Variants in MYO9B observed in about 807,000 individuals in gnomAD.
MYO9B encodes the protein myosin IXB, also known as unconventional myosin-IXb.
In MYO9B, 71 loss-of-function variants were observed where a neutral mutation model predicts 229.5. The ratio of observed to expected loss-of-function variants is 0.31; its 90% CI spans 0.26 to 0.38. MYO9B has a LOEUF of 0.38. MYO9B is among the 10% of genes least tolerant of loss of function. The pLI is 1.00. For synonymous variants in MYO9B, 1,185 were observed against 1,235.8 expected (o/e 0.96, Z 0.86); for missense variants, 2,255 against 2,920.5 (o/e 0.77, Z 5.25).
At chr19:17,118,672 A>G (rs1049489953) in intron 2 of MYO9B, among the ~76,000 whole-genome samples, 5 of 151,910 alleles carry the variant, frequency 3.3e-5, no homozygotes, top group East Asian at 1.9e-4. Flanking sequence ...TGGTAGAGAC[A>G]TGGTTTCGCC....
chr19:17,124,839 T>C (rs937436045), intron 2 of MYO9B, among the ~76,000 whole-genome samples: 1 of 150,794 alleles, frequency 6.6e-6, no homozygotes, highest in Non-Finnish European at 1.5e-5. Context: ...CCGTATGTTA[T>C]CAGAATCCAT....
At chr19:17,083,085 C>T (rs1410207616) in intron 1 of MYO9B, among the ~76,000 whole-genome samples, 1 of 128,418 alleles carries the variant, frequency 7.8e-6, no homozygotes, top group Non-Finnish European at 1.5e-5. Flanking sequence ...GGATAAAGTG[C>T]AGAGGCATGA....
chr19:17,148,782 C>G (rs1450195607), intron 3 of MYO9B, among the ~76,000 whole-genome samples: 1 of 152,140 alleles, frequency 6.6e-6, no homozygotes, highest in African/African-American at 2.4e-5. Context: ...CAGGGCCTCA[C>G]TGTGTTGGCC....
In MYO9B at chr19:17,195,440, A is replaced by G. The variant is rs984731167; in HGVS notation, c.4013A>G (p.His1338Arg). 1 of 1,604,824 alleles carries G rather than the reference A, an allele frequency of 6.2e-7. No individual in the cohort carries two copies. Among genetic ancestry groups the G allele is most frequent in the South Asian group, 1.1e-5 (1 of 90,646 alleles). Reference sequence around the variant, plus strand: ...CAGTCCCTGGACCTCAGCGACAGACACCGGGCCACAGGGGCCGCCCTCACG... The same window carrying G: ...CAGTCCCTGGACCTCAGCGACAGACGCCGGGCCACAGGGGCCGCCCTCACG... ...LSQSLDLSDRHRATGAALTPT... is the reference protein window; with the variant it reads ...LSQSLDLSDRRRATGAALTPT... The change falls in exon 22 of 40, where the codon CAC becomes CGC. Residue 1338 changes from histidine (H) to arginine (R), a missense_variant. His to Arg is a conservative substitution (Grantham distance 29, BLOSUM62 0). Transcript: ENST00000682292. The surrounding 1 kb of genome is among the most constrained non-coding windows in gnomAD (Gnocchi z 4.5).
intron 2 of MYO9B, among the ~76,000 whole-genome samples, chr19:17,132,841 TTTTATTTA>T (rs891444400): frequency 8.7e-5 from 13 of 149,604 alleles, no homozygotes; most frequent in South Asian, 2.1e-4. Context: ...TTTATTTCTT[TTTTATTTA>T]TTTATTTATT....
chr19:17,153,889 C>G (rs1478110394), intron 4 of MYO9B, 78 bp from the exon 5 acceptor site: 12 of 1,027,616 alleles, frequency 1.2e-5, no homozygotes, highest in Non-Finnish European at 1.7e-5. Flanking sequence ...TCTCCAAAGC[C>G]ATGTTAGTAG....
At chr19:17,192,519 C>T (rs1166781951) in intron 20 of MYO9B, among the ~76,000 whole-genome samples, 1 of 152,040 alleles carries the variant, frequency 6.6e-6, no homozygotes, top group Non-Finnish European at 1.5e-5. Context: ...CACTTCAACC[C>T]AGTAGGCGGA....
chr19:17,107,144 A>C (rs2057800012), intron 2 of MYO9B, among the ~76,000 whole-genome samples: 1 of 152,094 alleles, frequency 6.6e-6, no homozygotes, highest in Admixed American at 6.5e-5. Flanking sequence ...TTGAAGTGGG[A>C]GGATTGCTTG....
chr19:17,190,689 C>T (rs1357421076), intron 19 of MYO9B, among the ~76,000 whole-genome samples: 1 of 150,620 alleles, frequency 6.6e-6, no homozygotes, highest in Non-Finnish European at 1.5e-5. Context: ...GACGGAGTCT[C>T]TCTCTGTCGC....
intron 13 of MYO9B, among the ~76,000 whole-genome samples, chr19:17,174,833 C>A (rs2072765784): frequency 6.6e-6 from 1 of 151,382 alleles, no homozygotes; most frequent in Non-Finnish European, 1.5e-5. Context: ...ACTCAGGAGG[C>A]CGAGGCAGGA....
At chr19:17,144,181 A>G (rs955077862) in intron 2 of MYO9B, among the ~76,000 whole-genome samples, 3 of 152,088 alleles carry the variant, frequency 2.0e-5, no homozygotes, top group African/African-American at 7.2e-5. Context: ...ATGCCACTAC[A>G]CTCCAGCCTG....
rs765391339 is a variant in MYO9B at position 17,195,117 on chromosome 19, C to A, written c.3690C>A (p.Val1230=). The change falls in exon 22 of 40, where the codon GTC becomes GTA. Residue 1230 remains valine (V), a synonymous_variant. Transcript: ENST00000682292. This position sits in a 1 kb window ranked among gnomAD's most constrained non-coding sequence, Gnocchi z 4.5. The part of the protein sequence containing the change: ...EQPQAMAVGK[V]SEETEKTLPS... ...CCCAGGCCATGGCAGTTGGCAAGGT[C>A]TCTGAAGAAACTGAGAAGACGCTGC... The A allele has an allele frequency of 3.1e-6, 5 of 1,612,642 alleles. No individual in the cohort carries two copies. Among genetic ancestry groups the A allele is most frequent in the Non-Finnish European group, 3.4e-6 (4 of 1,179,752 alleles).
At chr19:17,103,154 GGAGCT>G (rs2145037587) in intron 2 of MYO9B, 1 of 151,956 alleles carries the variant, frequency 6.6e-6, no homozygotes, top group South Asian at 2.1e-4. Context: ...CCCACGAGTT[GGAGCT>G]ATGATTGCAC....
chr19:17,156,392 G>T (rs1420578287), intron 6 of MYO9B, among the ~76,000 whole-genome samples: 1 of 152,052 alleles, frequency 6.6e-6, no homozygotes, highest in Non-Finnish European at 1.5e-5. Context: ...TCCAGCCTGG[G>T]TGACAGAGTG....
At chr19:17,143,245 AAAC>A (rs2072364274) in intron 2 of MYO9B, among the ~76,000 whole-genome samples, 2 of 151,798 alleles carry the variant, frequency 1.3e-5, no homozygotes, top group Admixed American at 6.6e-5. Flanking sequence ...TTCAAAAAAA[AAAC>A]AAACAAACTT....
chr19:17,134,905 A>G (rs1008806733), intron 2 of MYO9B, among the ~76,000 whole-genome samples: 15 of 151,972 alleles, frequency 9.9e-5, no homozygotes, highest in African/African-American at 3.6e-4. Flanking sequence ...TTGGGATTAC[A>G]GGCATGCACC....
chr19:17,212,552 A>C lies in MYO9B; in HGVS notation c.*242A>C. 2.2e-6 allele frequency: 1 copy of C among 448,958 alleles called. No homozygotes were observed. Among genetic ancestry groups the C allele is most frequent in the Admixed American group, 4.0e-5 (1 of 25,054 alleles). 27.8% of individuals were successfully genotyped at this position (448,958 alleles called of 1,614,324 possible). A position where few individuals can be genotyped will look rare whatever the true frequency, so the allele number is the denominator to read the frequency against. On this transcript the variant is annotated 3_prime_UTR_variant, in exon 40 of 40. Coordinates refer to ENST00000682292, the MANE Select transcript of MYO9B (RefSeq NM_004145.4). The surrounding 1 kb of genome is among the most constrained non-coding windows in gnomAD (Gnocchi z 5.4). ...CACCTGTGGGGAGCACCACATCTCC[A>C]CCTGCGGCCTCACATCTCCCCACTC...
At position 17,101,915 on chromosome 19, in the gene MYO9B, G is replaced by A; in HGVS notation, c.198G>A (p.Val66=). 2 of 1,613,636 alleles carry A rather than the reference G, an allele frequency of 1.2e-6. No homozygotes were observed. Among genetic ancestry groups the A allele is most frequent in the Non-Finnish European group, 1.7e-6 (2 of 1,179,848 alleles). The part of the protein sequence containing the change: ...RLDGTKCYVL[V]EVKESGGEEW... ...ACGGCACCAAATGTTATGTGCTGGT[G>A]GAGGTCAAAGAGTCGGGAGGCGAGG... is the stretch of plus-strand genomic sequence containing the variant. Residue 66 remains valine, a synonymous_variant, in exon 2 of 40, where the codon GTG becomes GTA. Coordinates refer to ENST00000682292, the MANE Select transcript of MYO9B (RefSeq NM_004145.4). The surrounding 1 kb of genome is among the most constrained non-coding windows in gnomAD (Gnocchi z 4.7).
At position 17,147,759 on chromosome 19, in the gene MYO9B, C is replaced by T. The variant is rs1374135305; in HGVS notation, c.935+2268C>T. Among the ~76,000 whole-genome samples the T allele has an allele frequency of 6.8e-5, 9 of 131,694 alleles. No homozygotes were observed. The South Asian group carries it at 2.1e-3, about 31-fold the overall frequency. The allele number at this position is 131,694 out of a possible 152,430, so 86.4% of individuals were successfully genotyped here. A position where few individuals can be genotyped will look rare whatever the true frequency, so the allele number is the denominator to read the frequency against. On this transcript the variant is annotated intron_variant, in intron 3 of 39. Coordinates refer to ENST00000682292, the MANE Select transcript of MYO9B (RefSeq NM_004145.4). ...GGAGTACAATGGCGTGATCTCGGCTCACCGCAACCTCTGTCTCCTGGGTTC... is the reference window on the plus strand; with the variant it reads ...GGAGTACAATGGCGTGATCTCGGCTTACCGCAACCTCTGTCTCCTGGGTTC...
Sources: allele counts gnomAD v4.1 joint callset (sites outside exome capture counted in the v4.1 genomes callset), GRCh38; gene constraint gnomAD v4.1.1; non-coding constraint Gnocchi (gnomAD v3.1); transcripts MANE v1.5; gene names NCBI Gene and HGNC (gene_info 2026-07-23, HGNC 2026-07-21).